The following LRP1B variants were observed in gnomAD, a reference collection of about 807,000 sequenced individuals.
LRP1B encodes LDL receptor related protein 1B.
Under a neutral mutation model 556.6 loss-of-function variants are expected in LRP1B, and 217 were observed. That is an observed-to-expected ratio of 0.39 (90% CI 0.35 to 0.44). The LOEUF (loss-of-function observed/expected upper bound fraction) is 0.44. LRP1B is among the 20% of genes least tolerant of loss of function. The pLI is 1.00. For missense variants in LRP1B, 5,053 were observed against 5,620.8 expected, an observed-to-expected ratio of 0.90 and a Z score of 3.23; for synonymous variants, 2,047 against 1,865.8, an observed-to-expected ratio of 1.10 and a Z score of -2.50.
chr2:141,403,130 A>G (rs944683852), intron 3 of LRP1B, among the ~76,000 whole-genome samples: 2 of 152,136 alleles, frequency 1.3e-5, no homozygotes, highest in Admixed American at 1.3e-4. Flanking sequence ...TTCAAGGCCC[A>G]CTATGAAGAA....
At chr2:141,031,566 A>AAAT (rs1698372331) in intron 11 of LRP1B, among the ~76,000 whole-genome samples, 1 of 151,948 alleles carries the variant, frequency 6.6e-6, no homozygotes, top group Non-Finnish European at 1.5e-5. Context: ...AAAATAATTA[A>AAAT]ATATGTATAG....
intron 14 of LRP1B, among the ~76,000 whole-genome samples, chr2:141,009,497 G>C (rs1199359057): frequency 6.6e-6 from 1 of 151,804 alleles, no homozygotes; most frequent in Non-Finnish European, 1.5e-5. Context: ...ACTATATTAA[G>C]ATACTCCTTT....
At chr2:140,957,218 T>A (rs993664997) in intron 18 of LRP1B, among the ~76,000 whole-genome samples, 1 of 151,684 alleles carries the variant, frequency 6.6e-6, no homozygotes, top group Non-Finnish European at 1.5e-5. Context: ...GATATAAAAC[T>A]GATATGAATA....
intron 3 of LRP1B, among the ~76,000 whole-genome samples, chr2:141,445,940 C>T (rs755310173): frequency 1.3e-5 from 2 of 152,060 alleles, no homozygotes; most frequent in Admixed American, 6.6e-5. Flanking sequence ...AGGTCCACTT[C>T]GTCTGGAGCT....
intron 2 of LRP1B, among the ~76,000 whole-genome samples, chr2:141,525,174 C>T (rs547521886): frequency 2.7e-4 from 41 of 152,186 alleles, no homozygotes; most frequent in African/African-American, 9.4e-4. Flanking sequence ...AATCTTTTAA[C>T]ACCTGGCACA....
At chr2:140,397,619 C>G (rs1684310149) in intron 66 of LRP1B, among the ~76,000 whole-genome samples, 1 of 152,066 alleles carries the variant, frequency 6.6e-6, no homozygotes, top group South Asian at 2.1e-4. Flanking sequence ...AAAAATTATA[C>G]ACAAATATTT....
chr2:141,101,187 C>A (rs966114910), intron 7 of LRP1B, among the ~76,000 whole-genome samples: 1 of 152,114 alleles, frequency 6.6e-6, no homozygotes, highest in Non-Finnish European at 1.5e-5. Context: ...GAGACAACTA[C>A]CCAATGTGAA....
intron 3 of LRP1B, among the ~76,000 whole-genome samples, chr2:141,353,614 A>G (rs10177661): frequency 0.038 from 5,833 of 152,056 alleles, 408 homozygotes; most frequent in African/African-American, 0.13. Context: ...CTCATAGACA[A>G]GCTTATGGAT....
chr2:140,277,885 C>T (rs1330370386), intron 84 of LRP1B, among the ~76,000 whole-genome samples: 1 of 151,786 alleles, frequency 6.6e-6, no homozygotes, highest in East Asian at 1.9e-4. Context: ...TTAACATATA[C>T]CCAAAAGAAA....
chr2:140,889,344 G>A (rs975563752), intron 23 of LRP1B, among the ~76,000 whole-genome samples: 3 of 152,160 alleles, frequency 2.0e-5, no homozygotes, highest in Non-Finnish European at 2.9e-5. Context: ...TGCCCAGGCT[G>A]GAGTACAGTG....
At chr2:141,961,219 A>C (rs1181556903) in intron 1 of LRP1B, among the ~76,000 whole-genome samples, 2 of 151,616 alleles carry the variant, frequency 1.3e-5, no homozygotes, top group African/African-American at 4.8e-5. Context: ...TGCAACAAAG[A>C]ATTTCTATGA....
chr2:140,726,465 T>TTTGA (rs1381723723), intron 35 of LRP1B, among the ~76,000 whole-genome samples: 1 of 152,180 alleles, frequency 6.6e-6, no homozygotes, highest in East Asian at 1.9e-4. Context: ...GATTACTTTG[T>TTTGA]TTGATTCTCC....
intron 7 of LRP1B, among the ~76,000 whole-genome samples, chr2:141,092,658 C>T (rs1052948443): frequency 2.8e-4 from 42 of 152,042 alleles, no homozygotes; most frequent in African/African-American, 1.0e-3. Context: ...GAAAATAAAA[C>T]CACACAGGAA....
Position 141,230,231 on chromosome 2 carries a change from TAAGA to T in LRP1B, c.593-795_593-792del, listed in dbSNP as rs149403927. On this transcript the variant is annotated intron_variant, in intron 5 of 90. Coordinates refer to ENST00000389484, the MANE Select transcript of LRP1B (RefSeq NM_018557.3). ...TATTCAGAGTAACTTTTCTGCTAAT[TAAGA>T]AATAGGAAATATGTGGAAATCTTTA... 4.7e-3 allele frequency among the ~76,000 whole-genome samples: 710 copies of T among 152,290 alleles called. 4 individuals carry two copies. Among genetic ancestry groups the T allele is most frequent in the African/African-American group, 0.016 (679 of 41,552 alleles).
intron 6 of LRP1B, among the ~76,000 whole-genome samples, chr2:141,226,433 CTATTA>C (rs529282751): frequency 6.2e-4 from 94 of 152,198 alleles, no homozygotes; most frequent in Middle Eastern, 6.8e-3. Context: ...AAAATATTTA[CTATTA>C]TATTATTATG....
intron 66 of LRP1B, among the ~76,000 whole-genome samples, chr2:140,433,243 G>A (rs949701292): frequency 9.2e-5 from 14 of 152,094 alleles, no homozygotes; most frequent in African/African-American, 2.9e-4. Context: ...GATTACAGGC[G>A]CACATCACCA....
intron 5 of LRP1B, among the ~76,000 whole-genome samples, chr2:141,234,221 AGGCT>A (rs1053694367): frequency 6.6e-6 from 1 of 152,152 alleles, no homozygotes; most frequent in African/African-American, 2.4e-5. Context: ...AATTATATAA[AGGCT>A]GTAAAAATAA....
intron 18 of LRP1B, among the ~76,000 whole-genome samples, chr2:140,969,455 C>T (rs1696339168): frequency 1.1e-5 from 1 of 94,332 alleles, no homozygotes; most frequent in Non-Finnish European, 2.3e-5. Flanking sequence ...GAATACAGCA[C>T]ACTGATGGGT....
chr2:142,027,306 T>A (rs1197615525), intron 1 of LRP1B, among the ~76,000 whole-genome samples: 1 of 151,704 alleles, frequency 6.6e-6, no homozygotes, highest in Non-Finnish European at 1.5e-5. Flanking sequence ...AGAGGTTGTT[T>A]TTTTTTTCCA....
Sources: allele counts gnomAD v4.1 joint callset (sites outside exome capture counted in the v4.1 genomes callset), GRCh38; gene constraint gnomAD v4.1.1; transcripts MANE v1.5; gene names NCBI Gene and HGNC (gene_info 2026-07-23, HGNC 2026-07-21).